The following BTNL9 variants were observed in gnomAD, a reference collection of about 807,000 sequenced individuals.
BTNL9 encodes the protein butyrophilin-like protein 9.
BTNL9 carries 45 observed loss-of-function variants against 45.8 expected under a neutral mutation model. The observed-to-expected ratio is 0.98, with a 90% CI of 0.77 to 1.26. The LOEUF is 1.26. Among genes scored for constraint, BTNL9 ranks in the 50% most tolerant of loss-of-function variants. The pLI is 0.00. For missense variants in BTNL9, 784 were observed against 729.7 expected, an observed-to-expected ratio of 1.07 and a Z score of -0.86; for synonymous variants, 346 against 330.8, an observed-to-expected ratio of 1.05 and a Z score of -0.50.
At position 181,055,527 on chromosome 5, in the gene BTNL9, TG is replaced by T. The variant is rs1309861778; in HGVS notation, c.928+77del. 2 of 1,565,364 alleles carry T rather than the reference TG, an allele frequency of 1.3e-6. No individual in the cohort carries two copies. Among genetic ancestry groups the T allele is most frequent in the Admixed American group, 3.3e-5 (2 of 59,916 alleles). ...GCTCACACCTGTAATCCCAGTACTTTGGGAGGCCGAGGCGGGTGGATCACGA... is the reference window on the plus strand; with the variant it reads ...GCTCACACCTGTAATCCCAGTACTTTGGAGGCCGAGGCGGGTGGATCACGA... On this transcript the variant is annotated intron_variant, in intron 8 of 10. Coordinates refer to ENST00000327705, the MANE Select transcript of BTNL9 (RefSeq NM_152547.5). This position sits in a 1 kb window ranked among gnomAD's most constrained non-coding sequence, Gnocchi z 4.4.
intron 1 of BTNL9, chr5:181,043,262 G>GAA (rs1760893574): frequency 1.9e-5 from 2 of 106,892 alleles, no homozygotes; most frequent in Non-Finnish European, 4.0e-5. Context: ...GTGCATGGGT[G>GAA]TGTCTGTGTG....
Position 181,059,676 on chromosome 5 carries a change from C to G in BTNL9, c.1422C>G (p.Phe474Leu). Residue 474 changes from phenylalanine (F) to leucine (L), a missense_variant, in exon 11 of 11, where the codon TTC (phenylalanine) becomes TTG (leucine). Phe to Leu is a conservative substitution (Grantham distance 22). Transcript: ENST00000327705. ...CCGACGGCTCCCACATCTTCACCTT[C>G]CACGACACCTTCTCGGGCGCGCTCT... ...NVSDGSHIFTFHDTFSGALCA... is the reference protein window; with the variant it reads ...NVSDGSHIFTLHDTFSGALCA... The G allele has an allele frequency of 6.2e-7, 1 of 1,613,750 alleles. No homozygotes were observed. The highest frequency in any genetic ancestry group is 1.1e-5 in the South Asian group (1 of 91,082).
intron 2 of BTNL9, among the ~76,000 whole-genome samples, chr5:181,047,177 G>A (rs1428260510): frequency 6.6e-5 from 10 of 152,316 alleles, no homozygotes; most frequent in East Asian, 3.9e-4. Flanking sequence ...GGAACCGTGC[G>A]TGCGGAAGAA....
intron 1 of BTNL9, 67 bp from the exon 2 acceptor site, chr5:181,045,400 T>A (rs965650332): frequency 2.4e-6 from 2 of 829,258 alleles, no homozygotes; most frequent in African/African-American, 3.4e-5. Context: ...ACTTCAGGTC[T>A]GATGGAGTGA....
chr5:181,058,500 C>T, intron 10 of BTNL9, 122 bp downstream of exon 10: 1 of 1,265,158 alleles, frequency 7.9e-7, no homozygotes, highest in Non-Finnish European at 1.2e-6. Flanking sequence ...GGCCTGCACA[C>T]ACAAGACACA....
chr5:181,053,310 A>G lies in BTNL9; in HGVS notation c.847A>G (p.Ser283Gly). Residue 283 changes from serine to glycine, a missense_variant, in exon 5 of 11, where the codon AGC becomes GGC. Physicochemically the swap from Ser to Gly is moderately conservative, Grantham distance 56. Transcript: ENST00000327705. The surrounding 1 kb of genome is among the most constrained non-coding windows in gnomAD (Gnocchi z 6.5). The stretch of plus-strand genomic sequence containing the variant: ...GGGCGTCCTCCGGAAGCAGCGGAGA[A>G]GCCGAGGTACCGGCGCGGGCGGCGG... ...ALGVLRKQRR[S>G]REKLRKQAEK... The G allele has an allele frequency of 6.4e-7, 1 of 1,565,902 alleles. No homozygotes were observed. The highest frequency in any genetic ancestry group is 8.6e-7 in the Non-Finnish European group (1 of 1,158,440).
chr5:181,046,321 C>G lies in BTNL9; in HGVS notation c.109+723C>G, dbSNP rs1761143821. Among the ~76,000 whole-genome samples, 7 of 151,680 alleles carry G rather than the reference C, an allele frequency of 4.6e-5. No homozygotes were observed. In the South Asian group the frequency reaches 1.5e-3, roughly 32 times the overall value. On this transcript the variant is annotated intron_variant, in intron 2 of 10. Transcript: ENST00000327705. Reference sequence around the variant, plus strand: ...CTCCCCAGCCTGTAGTGTTCCTCCACCATCTCTCCAGCCCCCAACACCTCC... The same window carrying G: ...CTCCCCAGCCTGTAGTGTTCCTCCAGCATCTCTCCAGCCCCCAACACCTCC...
At chr5:181,051,869 A>C (rs1761559324) in intron 4 of BTNL9, among the ~76,000 whole-genome samples, 1 of 152,200 alleles carries the variant, frequency 6.6e-6, no homozygotes, top group Admixed American at 6.5e-5. Flanking sequence ...AAAAATTTTT[A>C]GATGGGTAAA....
At chr5:181,051,687 T>A (rs1475430566) in intron 4 of BTNL9, among the ~76,000 whole-genome samples, 2 of 152,188 alleles carry the variant, frequency 1.3e-5, no homozygotes, top group African/African-American at 2.4e-5. Flanking sequence ...AAGGAAAACA[T>A]TATTGGGTTG....
intron 1 of BTNL9, among the ~76,000 whole-genome samples, chr5:181,041,987 C>T (rs754470333): frequency 6.6e-6 from 1 of 152,116 alleles, no homozygotes; most frequent in South Asian, 2.1e-4. Context: ...AAGTACTCAT[C>T]TTTAAAGACA....
At position 181,043,257 on chromosome 5, in the gene BTNL9, T is replaced by C. The variant is rs1341713976; in HGVS notation, c.-23-2210T>C. The C allele has an allele frequency of 3.9e-5, 4 of 103,646 alleles. No homozygotes were observed. In the East Asian group the frequency reaches 9.4e-4, roughly 24 times the overall value. 6.4% of individuals were successfully genotyped at this position (103,646 alleles called of 1,614,324 possible). A position where few individuals can be genotyped will look rare whatever the true frequency, so the allele number is the denominator to read the frequency against. On this transcript the variant is annotated intron_variant, in intron 1 of 10. Coordinates refer to ENST00000327705, the MANE Select transcript of BTNL9 (RefSeq NM_152547.5). ...ATGTGTGTGTCTGTGTGTGTGTGCATGGGTGTGTCTGTGTGTGTGTGCATG... is the reference window on the plus strand; with the variant it reads ...ATGTGTGTGTCTGTGTGTGTGTGCACGGGTGTGTCTGTGTGTGTGTGCATG...
rs1255112922 is a variant in BTNL9, at chr5:181,042,122, A to G, written c.-24+1690A>G. On this transcript the variant is annotated intron_variant, in intron 1 of 10. Coordinates refer to ENST00000327705, the MANE Select transcript of BTNL9 (RefSeq NM_152547.5). The surrounding 1 kb of genome is among the most constrained non-coding windows in gnomAD (Gnocchi z 4.5). Reference sequence around the variant, plus strand: ...AGAGAGCAAGAAGAAAAGAAAAATAAAAAGAGAAGGAGAAGAAAGAAATGG... The same window carrying G: ...AGAGAGCAAGAAGAAAAGAAAAATAGAAAGAGAAGGAGAAGAAAGAAATGG... Among the ~76,000 whole-genome samples, 9 of 152,198 alleles carry G rather than the reference A, an allele frequency of 5.9e-5. No individual in the cohort carries two copies. Among genetic ancestry groups the G allele is most frequent in the Admixed American group, 5.2e-4 (8 of 15,280 alleles).
At chr5:181,044,145 T>C (rs78499145) in intron 1 of BTNL9, among the ~76,000 whole-genome samples, 5,720 of 152,248 alleles carry the variant, frequency 0.038, 165 homozygotes, top group African/African-American at 0.075. Context: ...GGGTGCCTCC[T>C]AGCCTAAGGG....
chr5:181,045,946 C>T, intron 2 of BTNL9, among the ~76,000 whole-genome samples: 1 of 52,224 alleles, frequency 1.9e-5, no homozygotes, highest in African/African-American at 8.2e-5. Flanking sequence ...ATCTCCCCAG[C>T]CTCCAACACC....
chr5:181,045,688 G>T, intron 2 of BTNL9, 90 bp downstream of exon 2: 1 of 1,032,276 alleles, frequency 9.7e-7, no homozygotes, highest in African/African-American at 1.6e-5. Context: ...CACAGTACCA[G>T]GGCGTGCCAG....
chr5:181,052,706 C>A (rs558168181), intron 4 of BTNL9: 1 of 152,190 alleles, frequency 6.6e-6, no homozygotes, highest in Non-Finnish European at 1.5e-5. Context: ...CCGGGAGGGA[C>A]GTGGGAGCTG....
intron 3 of BTNL9, among the ~76,000 whole-genome samples, chr5:181,048,769 AGTATGC>A (rs1761342530): frequency 9.5e-5 from 6 of 63,038 alleles, no homozygotes; most frequent in Admixed American, 1.9e-4. Context: ...AGATATATAT[AGTATGC>A]TATATATTAA....
rs1243500538 is a variant in BTNL9 at position 181,045,480 on chromosome 5, C to A, written c.-10C>A. On this transcript the variant is annotated 5_prime_UTR_variant, in exon 2 of 11. The change creates a new upstream start codon in the 5' untranslated region. Coordinates refer to ENST00000327705, the MANE Select transcript of BTNL9 (RefSeq NM_152547.5). Reference sequence around the variant, plus strand: ...GTCCCTCTCCAGGTGGCCCCCACTGCTGACGAGAGATGGTGGACCTCTCAG... The same window carrying A: ...GTCCCTCTCCAGGTGGCCCCCACTGATGACGAGAGATGGTGGACCTCTCAG... 5.0e-6 allele frequency: 8 copies of A among 1,586,032 alleles called. No homozygotes were observed. The highest frequency in any genetic ancestry group is 6.9e-6 in the Non-Finnish European group (8 of 1,155,108).
chr5:181,051,213 A>G lies in BTNL9; in HGVS notation c.736+844A>G, dbSNP rs2113210127. 2.0e-5 allele frequency among the ~76,000 whole-genome samples: 3 copies of G among 152,258 alleles called. No homozygotes were observed. In the South Asian group the frequency reaches 6.2e-4, roughly 32 times the overall value. On this transcript the variant is annotated intron_variant, in intron 4 of 10. Transcript: ENST00000327705. ...CCAGGAAGTGGGCGTGTAGGCAGTG[A>G]GCTGAAGGCAAGGTCATTATTAAAG...
Sources: gnomAD v4.1 joint callset for allele counts (sites outside exome capture counted in the v4.1 genomes callset) on GRCh38, gnomAD v4.1.1 for gene constraint, Gnocchi (gnomAD v3.1) non-coding constraint, MANE v1.5 for transcripts, NCBI Gene and HGNC (gene_info 2026-07-23, HGNC 2026-07-21) for gene names.